RFX4: variants seen among roughly 807,000 people sequenced by gnomAD.
The protein encoded by RFX4 is regulatory factor X4, also known as transcription factor RFX4.
A neutral mutation model predicts 95.0 loss-of-function variants in RFX4; 10 were observed. The ratio of observed to expected loss-of-function variants is 0.11; its 90% CI spans 0.06 to 0.18. RFX4 has a LOEUF of 0.18. RFX4 is among the 10% of genes least tolerant of loss of function. The pLI is 1.00. For missense variants in RFX4, 640 were observed against 922.0 expected, an observed-to-expected ratio of 0.69 and a Z score of 3.96; for synonymous variants, 321 against 340.7, an observed-to-expected ratio of 0.94 and a Z score of 0.64.
Position 106,732,164 on chromosome 12 carries a change from C to T in RFX4, c.1386C>T (p.Asp462=), listed in dbSNP as rs1290243521. 2.5e-6 allele frequency: 4 copies of T among 1,613,736 alleles called. No homozygotes were observed. The highest frequency in any genetic ancestry group is 3.4e-6 in the Non-Finnish European group (4 of 1,179,860). ...SFHLIHLMFD[D]YVLYLLESLH... is the part of the protein sequence containing the mutation. ...ACCTAATTCACTTAATGTTTGATGA[C>T]TACGTGCTCTACCTGTTAGAATCTC... is the stretch of plus-strand genomic sequence containing the variant. The change falls in exon 14 of 18, where the codon GAC becomes GAT. Residue 462 remains aspartate (D), a synonymous_variant. Coordinates refer to ENST00000392842, the MANE Select transcript of RFX4 (RefSeq NM_213594.3).
At chr12:106,612,992 G>A (rs541107387) in intron 2 of RFX4, among the ~76,000 whole-genome samples, 43 of 152,148 alleles carry the variant, frequency 2.8e-4, no homozygotes, top group African/African-American at 9.9e-4. Context: ...AGGCAACCTT[G>A]TCTTGTTCCT....
At chr12:106,636,266 T>C (rs2040508508) in intron 2 of RFX4, among the ~76,000 whole-genome samples, 1 of 151,778 alleles carries the variant, frequency 6.6e-6, no homozygotes, top group African/African-American at 2.4e-5. Flanking sequence ...TGTGGGCACC[T>C]GTAATCCCAG....
At chr12:106,752,217 T>C (rs1243907461) in intron 17 of RFX4, among the ~76,000 whole-genome samples, 2 of 150,630 alleles carry the variant, frequency 1.3e-5, no homozygotes, top group Non-Finnish European at 3.0e-5. Flanking sequence ...TTGCTTGTTT[T>C]TCTCAGGTTT....
At chr12:106,621,576 C>T (rs1391184929) in intron 2 of RFX4, among the ~76,000 whole-genome samples, 1 of 152,170 alleles carries the variant, frequency 6.6e-6, no homozygotes, top group Admixed American at 6.5e-5. Flanking sequence ...GCTACTTTTC[C>T]CTCAATTTCT....
At chr12:106,760,131 G>A (rs1593028498) in intron 17 of RFX4, among the ~76,000 whole-genome samples, 1 of 152,138 alleles carries the variant, frequency 6.6e-6, no homozygotes, top group African/African-American at 2.4e-5. Flanking sequence ...AAGACAGATG[G>A]GGAGCAGAAG....
chr12:106,585,188 G>A (rs531892725), intron 1 of RFX4, among the ~76,000 whole-genome samples: 136 of 152,228 alleles, frequency 8.9e-4, no homozygotes, highest in Non-Finnish European at 1.2e-3. Flanking sequence ...CAGTGGCCCT[G>A]CTGGGGGGCT....
At chr12:106,590,307 C>A (rs865896651) in intron 1 of RFX4, among the ~76,000 whole-genome samples, 1 of 152,236 alleles carries the variant, frequency 6.6e-6, no homozygotes, top group South Asian at 2.1e-4. Context: ...ACGTTCCATA[C>A]TTACTGTGTC....
chr12:106,619,392 A>G (rs1179491171), intron 2 of RFX4, among the ~76,000 whole-genome samples: 1 of 152,098 alleles, frequency 6.6e-6, no homozygotes, highest in Non-Finnish European at 1.5e-5. Context: ...TCCTTTCAAC[A>G]CTTTAAAGTT....
At chr12:106,671,778 C>G (rs939097400) in intron 4 of RFX4, among the ~76,000 whole-genome samples, 2 of 152,200 alleles carry the variant, frequency 1.3e-5, no homozygotes. Context: ...TCTCCTGCCT[C>G]AGCCTCCTGA....
intron 15 of RFX4, among the ~76,000 whole-genome samples, chr12:106,742,421 A>G (rs2042823271): frequency 6.6e-6 from 1 of 152,112 alleles, no homozygotes. Flanking sequence ...GGGCTCAAGA[A>G]ATCAGCCCAC....
intron 10 of RFX4, chr12:106,714,790 A>G (rs1035486172): frequency 1.3e-5 from 2 of 152,242 alleles, no homozygotes; most frequent in East Asian, 1.9e-4. Context: ...ATCCACTAAC[A>G]AACTACTGAG....
intron 13 of RFX4, 144 bp downstream of exon 13, chr12:106,721,020 A>G: frequency 1.4e-6 from 1 of 701,756 alleles, no homozygotes; most frequent in Non-Finnish European, 2.5e-6. Context: ...TGACATTGTT[A>G]GGACTTTCAG....
At chr12:106,708,020 GC>G (rs2042119684) in intron 8 of RFX4, among the ~76,000 whole-genome samples, 1 of 152,164 alleles carries the variant, frequency 6.6e-6, no homozygotes, top group Non-Finnish European at 1.5e-5. Flanking sequence ...TGTAATCCCA[GC>G]TACTCAGGAG....
At chr12:106,631,122 CTG>C (rs1206308230) in intron 2 of RFX4, among the ~76,000 whole-genome samples, 1 of 152,234 alleles carries the variant, frequency 6.6e-6, no homozygotes, top group Non-Finnish European at 1.5e-5. Context: ...ATGCATTAAA[CTG>C]TTCACTGTCT....
In RFX4 at chr12:106,750,706, C is replaced by T. The variant is rs774142990; in HGVS notation, c.1848C>T (p.Pro616=). 7 of 1,610,634 alleles carry T rather than the reference C, an allele frequency of 4.3e-6. No individual in the cohort carries two copies. The highest frequency in any genetic ancestry group is 1.3e-5 in the African/African-American group (1 of 74,642). ...GCTATGGCAACCAGCATCCTCACCC[C>T]ATGCAGAGCCAGTATCCGGCCCTCC... The part of the protein sequence containing the change: ...YGSYGNQHPH[P]MQSQYPALPH... Residue 616 remains proline, a synonymous_variant, in exon 17 of 18, where the codon CCC becomes CCT. Transcript: ENST00000392842.
At chr12:106,729,820 G>C (rs951156281) in intron 13 of RFX4, among the ~76,000 whole-genome samples, 1 of 152,122 alleles carries the variant, frequency 6.6e-6, no homozygotes, top group Non-Finnish European at 1.5e-5. Flanking sequence ...TCTCAACCTG[G>C]GCAGTTTGAT....
intron 10 of RFX4, among the ~76,000 whole-genome samples, chr12:106,713,549 G>C (rs1203440193): frequency 1.3e-5 from 2 of 152,186 alleles, no homozygotes; most frequent in Non-Finnish European, 2.9e-5. Context: ...GGGGCAAGGA[G>C]GGAGAAGAAT....
At chr12:106,583,428 T>G in intron 1 of RFX4, 65 bp downstream of exon 1, 1 of 1,463,896 alleles carries the variant, frequency 6.8e-7, no homozygotes, top group Non-Finnish European at 9.1e-7. Flanking sequence ...AGGGGGAACT[T>G]TAGAAAGAAG....
At position 106,623,387 on chromosome 12, in the gene RFX4, G is replaced by A. The variant is rs76068540; in HGVS notation, c.130+14504G>A. Among the ~76,000 whole-genome samples the A allele has an allele frequency of 1.4e-3, 214 of 152,144 alleles. 6 individuals are homozygous for A. In the East Asian group the frequency reaches 0.035, roughly 25 times the overall value. ...CTCTCAGAAAGTAATGAACCCTCAC[G>A]TTTCAAAGACTTGCCACTGGAGATT... On this transcript the variant is annotated intron_variant, in intron 2 of 17. Coordinates refer to ENST00000392842, the MANE Select transcript of RFX4 (RefSeq NM_213594.3).
Sources: allele counts gnomAD v4.1 joint callset (sites outside exome capture counted in the v4.1 genomes callset), GRCh38; gene constraint gnomAD v4.1.1; transcripts MANE v1.5; gene names NCBI Gene and HGNC (gene_info 2026-07-23, HGNC 2026-07-21).